Variants in NFIB observed in about 807,000 individuals in gnomAD.
The protein encoded by NFIB is nuclear factor I B.
In NFIB, 11 loss-of-function variants were observed where a neutral mutation model predicts 61.5. The observed-to-expected ratio is 0.18, with a 90% CI of 0.11 to 0.30. NFIB has a LOEUF of 0.30. Among genes scored for constraint, NFIB ranks in the 10% least tolerant of loss-of-function variants. NFIB has a pLI of 1.00. For synonymous variants in NFIB, 260 were observed against 216.5 expected (o/e 1.20, Z -1.76); for missense variants, 471 against 608.9 (o/e 0.77, Z 2.38).
At chr9:14,280,975 C>A (rs1325557968) in intron 2 of NFIB, among the ~76,000 whole-genome samples, 1 of 152,074 alleles carries the variant, frequency 6.6e-6, no homozygotes, top group African/African-American at 2.4e-5. Context: ...GCAATTATGG[C>A]AATACATAAG....
At chr9:14,177,049 G>C (rs1217567712) in intron 3 of NFIB, among the ~76,000 whole-genome samples, 2 of 152,166 alleles carry the variant, frequency 1.3e-5, no homozygotes, top group Admixed American at 6.5e-5. Flanking sequence ...TGGTATTCAA[G>C]GTGATCTTTT....
intron 2 of NFIB, among the ~76,000 whole-genome samples, chr9:14,296,116 T>C (rs2059429539): frequency 6.6e-6 from 1 of 152,242 alleles, no homozygotes; most frequent in Non-Finnish European, 1.5e-5. Flanking sequence ...GAGATAAATA[T>C]GAACTAAATG....
intron 1 of NFIB, among the ~76,000 whole-genome samples, chr9:14,394,000 G>A (rs1395841176): frequency 6.6e-6 from 1 of 152,130 alleles, no homozygotes; most frequent in Non-Finnish European, 1.5e-5. Flanking sequence ...GGTAAAATAA[G>A]ACTTTTGTTA....
chr9:14,141,230 G>C (rs1378004058), intron 6 of NFIB, among the ~76,000 whole-genome samples: 1 of 152,072 alleles, frequency 6.6e-6, no homozygotes, highest in East Asian at 1.9e-4. Context: ...ATTTCAGAAA[G>C]ACTTAACTGA....
chr9:14,334,565 T>TA (rs2060861754), intron 1 of NFIB, among the ~76,000 whole-genome samples: 2 of 152,200 alleles, frequency 1.3e-5, no homozygotes. Context: ...GAGTTCTTTG[T>TA]ATACTCTACA....
chr9:14,410,229 C>T, the NFIB span, among the ~76,000 whole-genome samples: 1 of 151,352 alleles, frequency 6.6e-6, no homozygotes, highest in African/African-American at 2.4e-5. Flanking sequence ...CAAAAAAAAT[C>T]ATTTTCCAAA....
the NFIB span, among the ~76,000 whole-genome samples, chr9:14,524,654 T>C: frequency 3.3e-5 from 5 of 152,166 alleles, no homozygotes; most frequent in African/African-American, 9.6e-5. Context: ...TACTGTTACA[T>C]GAGATGTTGG....
At chr9:14,463,222 G>A in the NFIB span, among the ~76,000 whole-genome samples, 2 of 151,186 alleles carry the variant, frequency 1.3e-5, no homozygotes, top group South Asian at 2.1e-4. Context: ...AACTGCCTAT[G>A]GTAATAGCAA....
chr9:14,207,705 G>A (rs73413877), intron 2 of NFIB, among the ~76,000 whole-genome samples: 7,218 of 152,154 alleles, frequency 0.047, 561 homozygotes, highest in African/African-American at 0.16. Flanking sequence ...GCCACATCTC[G>A]TAAATGAGAG....
In NFIB at chr9:14,307,383, T is replaced by A. The variant is rs1341436007; in HGVS notation, c.168A>T (p.Ala56=). The A allele has an allele frequency of 1.9e-6, 3 of 1,614,002 alleles. No homozygotes were observed. In the Admixed American group the frequency reaches 5.0e-5, roughly 27 times the overall value. ...EKRMSKDEER[A]VKDELLSEKP... Reference sequence around the variant, plus strand: ...TTTCACTGAGAAGCTCATCTTTGACTGCTCTTTCTTCATCCTTTGACATTC... The same window carrying A: ...TTTCACTGAGAAGCTCATCTTTGACAGCTCTTTCTTCATCCTTTGACATTC... Residue 56 remains alanine (A), a synonymous_variant, in exon 2 of 11, where the codon GCA becomes GCT. Transcript: ENST00000380953. This position sits in a 1 kb window ranked among gnomAD's most constrained non-coding sequence, Gnocchi z 5.3.
At chr9:14,439,854 C>T in the NFIB span, among the ~76,000 whole-genome samples, 10 of 152,212 alleles carry the variant, frequency 6.6e-5, no homozygotes, top group Non-Finnish European at 8.8e-5. Context: ...AGGCGGAAGC[C>T]GTTTGCCCCA....
At chr9:14,154,926 A>G (rs549607374) in intron 4 of NFIB, among the ~76,000 whole-genome samples, 1 of 152,286 alleles carries the variant, frequency 6.6e-6, no homozygotes, top group South Asian at 2.1e-4. Context: ...CTGGATCATC[A>G]TAATTCTTAT....
At chr9:14,483,005 C>T in the NFIB span, among the ~76,000 whole-genome samples, 1 of 151,786 alleles carries the variant, frequency 6.6e-6, no homozygotes, top group Non-Finnish European at 1.5e-5. Context: ...AAAATAAAAC[C>T]CATTATGTTG....
At chr9:14,166,718 T>G (rs1018873281) in intron 3 of NFIB, among the ~76,000 whole-genome samples, 6 of 152,170 alleles carry the variant, frequency 3.9e-5, no homozygotes, top group Admixed American at 1.3e-4. Context: ...CATCAACCCT[T>G]TTCTCATCAT....
At chr9:14,401,994 G>A (rs1448489119), upstream of NFIB, among the ~76,000 whole-genome samples, 3 of 152,090 alleles carry the variant, frequency 2.0e-5, no homozygotes, top group Non-Finnish European at 2.9e-5. Context: ...TAGTGTACGT[G>A]TGCATGTACC....
chr9:14,103,173 C>A (rs2036026381), intron 10 of NFIB, among the ~76,000 whole-genome samples: 2 of 152,144 alleles, frequency 1.3e-5, no homozygotes. Flanking sequence ...TGAATACAAG[C>A]TGAAACAAAT....
At chr9:14,271,319 T>C (rs2057605280) in intron 2 of NFIB, among the ~76,000 whole-genome samples, 1 of 151,362 alleles carries the variant, frequency 6.6e-6, no homozygotes, top group Non-Finnish European at 1.5e-5. Context: ...AGCCCACGGA[T>C]AGTTATCTAA....
chr9:14,314,099 G>A lies in NFIB; in HGVS notation c.-588C>T, dbSNP rs1313686354. 1 of 1,044,942 alleles carries A rather than the reference G, an allele frequency of 9.6e-7. No homozygotes were observed. Among genetic ancestry groups the A allele is most frequent in the Non-Finnish European group, 1.2e-6 (1 of 867,170 alleles). The allele number at this position is 1,044,942 out of a possible 1,614,324, so 64.7% of individuals were successfully genotyped here. ...GTGATCGCAGGCGAAACTTTGCCGC[G>A]AGCCGACCATGTGTGTGCGCGAGGG... On this transcript the variant is annotated 5_prime_UTR_variant, in exon 1 of 11. Transcript: ENST00000380953.
Position 14,319,666 on chromosome 9 carries a change from A to T in NFIB, c.109-12146T>A, listed in dbSNP as rs560273138. On this transcript the variant is annotated intron_variant, in intron 1 of 8. Transcript: ENST00000380934. The stretch of plus-strand genomic sequence containing the variant: ...AACATAGGAAAACAGATGGGTTTTT[A>T]AGACAGGTATAGAAAGCTCTGTCCA... Among the ~76,000 whole-genome samples, 6 of 152,350 alleles carry T rather than the reference A, an allele frequency of 3.9e-5. No homozygotes were observed. The South Asian group carries it at 1.2e-3, about 32-fold the overall frequency.
Sources: gnomAD v4.1 joint callset for allele counts (sites outside exome capture counted in the v4.1 genomes callset) on GRCh38, gnomAD v4.1.1 for gene constraint, Gnocchi (gnomAD v3.1) non-coding constraint, MANE v1.5 for transcripts, NCBI Gene and HGNC (gene_info 2026-07-23, HGNC 2026-07-21) for gene names.